The following HELZ variants were observed in gnomAD, a reference collection of about 807,000 sequenced individuals.
The protein encoded by HELZ is ATP-dependent RNA helicase with zinc finger domain.
A neutral mutation model predicts 218.2 loss-of-function variants in HELZ; 23 were observed. The observed-to-expected ratio is 0.11, with a 90% confidence interval of 0.08 to 0.15. The LOEUF (loss-of-function observed/expected upper bound fraction) is 0.15, where lower values mean the gene tolerates loss of function less well. Ranked by LOEUF, HELZ falls within the 10% of genes least tolerant of loss-of-function variation. HELZ has a pLI of 1.00. For missense variants in HELZ, 1,813 were observed against 2,353.7 expected, an observed-to-expected ratio of 0.77 and a Z score of 4.75; for synonymous variants, 814 against 829.4, an observed-to-expected ratio of 0.98 and a Z score of 0.32.
chr17:67,162,085 T>A (rs769127233), intron 15 of HELZ, among the ~76,000 whole-genome samples: 1 of 152,172 alleles, frequency 6.6e-6, no homozygotes, highest in Non-Finnish European at 1.5e-5. Context: ...CAGAAGGTGG[T>A]TATTTTTGAA....
At chr17:67,180,552 T>C (rs1044097394) in intron 12 of HELZ, among the ~76,000 whole-genome samples, 4 of 152,080 alleles carry the variant, frequency 2.6e-5, no homozygotes, top group Non-Finnish European at 5.9e-5. Context: ...CAGAACAGCA[T>C]AGCCAACATG....
chr17:67,206,287 C>T (rs1386656085), intron 5 of HELZ, among the ~76,000 whole-genome samples: 1 of 152,218 alleles, frequency 6.6e-6, no homozygotes, highest in African/African-American at 2.4e-5. Flanking sequence ...CAAAGGAGGA[C>T]TTCTGTCAGC....
intron 18 of HELZ, among the ~76,000 whole-genome samples, chr17:67,150,604 C>T (rs1335272938): frequency 2.0e-5 from 3 of 152,144 alleles, no homozygotes; most frequent in African/African-American, 4.8e-5. Flanking sequence ...ATCATCTCTA[C>T]AGTATATAAT....
chr17:67,124,093 GTAAAT>G (rs2037707386), intron 24 of HELZ, 79 bp from the exon 25 acceptor site: 1 of 884,188 alleles, frequency 1.1e-6, no homozygotes, highest in Admixed American at 2.0e-5. Flanking sequence ...CTAATCATAT[GTAAAT>G]TAATGTACAC....
At chr17:67,148,453 G>A in intron 20 of HELZ, 116 bp downstream of exon 20, 1 of 772,358 alleles carries the variant, frequency 1.3e-6, no homozygotes, top group Non-Finnish European at 2.0e-6. Context: ...TGCAAGACTA[G>A]GGACACTATG....
intron 5 of HELZ, among the ~76,000 whole-genome samples, chr17:67,214,103 T>C (rs1598434769): frequency 4.6e-5 from 7 of 152,256 alleles, no homozygotes; most frequent in Admixed American, 3.9e-4. Flanking sequence ...GTTTGCTCAT[T>C]GTAATTTTAA....
chr17:67,197,715 C>T (rs1007276858), intron 7 of HELZ, among the ~76,000 whole-genome samples: 3 of 152,150 alleles, frequency 2.0e-5, no homozygotes, highest in African/African-American at 4.8e-5. Flanking sequence ...AGAATGCTAA[C>T]GGGTCATAAC....
At chr17:67,113,797 G>A (rs1209146647) in intron 28 of HELZ, among the ~76,000 whole-genome samples, 2 of 152,326 alleles carry the variant, frequency 1.3e-5, no homozygotes, top group East Asian at 1.9e-4. Flanking sequence ...AAATGCAGGG[G>A]AGCCCTGATG....
In HELZ at chr17:67,124,007, C is replaced by A; in HGVS notation, c.3395G>T (p.Ser1132Ile). Residue 1132 changes from serine (S) to isoleucine (I), a missense_variant, in exon 25 of 33, where the codon AGT becomes ATT. Ser to Ile is a moderately radical substitution (Grantham distance 142, BLOSUM62 -2). Around this residue, in one of 4 missense-constraint regions of HELZ, gnomAD observed 938 missense variants for 1,027.5 expected, o/e 0.91. Coordinates refer to ENST00000358691, the MANE Select transcript of HELZ (RefSeq NM_014877.4). ...GTGATCATTCTGGGTATGATGAAGA[C>A]TTTTCCCCTTTAAAGAAAAACACAA... ...KQQQSPPKGKSLHHTQNDHFQ... is the reference protein window; with the variant it reads ...KQQQSPPKGKILHHTQNDHFQ... 6.3e-7 allele frequency: 1 copy of A among 1,598,028 alleles called. No homozygotes were observed. Among genetic ancestry groups the A allele is most frequent in the Non-Finnish European group, 8.6e-7 (1 of 1,166,600 alleles).
intron 21 of HELZ, among the ~76,000 whole-genome samples, chr17:67,142,753 ATTTAT>A (rs2038368372): frequency 1.0e-5 from 1 of 99,626 alleles, no homozygotes; most frequent in South Asian, 3.9e-4. Context: ...ATATTTATTT[ATTTAT>A]TTTATTTTAT....
chr17:67,102,744 TTA>T (rs1225939330), intron 31 of HELZ, among the ~76,000 whole-genome samples: 3 of 152,238 alleles, frequency 2.0e-5, no homozygotes, highest in African/African-American at 7.2e-5. Context: ...TAAAAAAATA[TTA>T]TCTTTGTCAA....
chr17:67,180,774 A>G (rs1427876744), intron 12 of HELZ, among the ~76,000 whole-genome samples: 2 of 148,572 alleles, frequency 1.3e-5, no homozygotes, highest in East Asian at 4.0e-4. Context: ...GCTACTCGGG[A>G]GGCTGAGGCC....
intron 23 of HELZ, among the ~76,000 whole-genome samples, chr17:67,129,664 C>A (rs77522340): frequency 0.01 from 1,541 of 152,094 alleles, 32 homozygotes; most frequent in African/African-American, 0.035. Flanking sequence ...AGTTGGAATG[C>A]TAATTTTAAT....
chr17:67,199,183 G>A (rs907220777), intron 7 of HELZ, among the ~76,000 whole-genome samples: 5 of 148,666 alleles, frequency 3.4e-5, no homozygotes, highest in African/African-American at 7.4e-5. Flanking sequence ...TTAGGTTGGT[G>A]CAAAAGTAAT....
intron 9 of HELZ, among the ~76,000 whole-genome samples, chr17:67,191,975 A>G (rs1331196385): frequency 6.6e-6 from 1 of 151,780 alleles, no homozygotes; most frequent in Non-Finnish European, 1.5e-5. Context: ...AGGCCAAGGC[A>G]GGCGCATCAC....
intron 17 of HELZ, among the ~76,000 whole-genome samples, chr17:67,154,961 T>A (rs1350609910): frequency 2.6e-5 from 4 of 152,162 alleles, no homozygotes; most frequent in African/African-American, 9.7e-5. Flanking sequence ...GGTAAGCAAA[T>A]ACTAAAGAAA....
At chr17:67,160,809 T>C in intron 16 of HELZ, 88 bp downstream of exon 16, 1 of 945,452 alleles carries the variant, frequency 1.1e-6, no homozygotes, top group Non-Finnish European at 1.5e-6. Context: ...GCATGAAAAC[T>C]GTCTTGCTAG....
chr17:67,079,896 G>A (rs1386094785), intron 32 of HELZ, among the ~76,000 whole-genome samples: 1 of 151,918 alleles, frequency 6.6e-6, no homozygotes. Context: ...CTATTATTTT[G>A]TAGGCACTTT....
At chr17:67,221,187 G>A (rs929275916) in intron 3 of HELZ, among the ~76,000 whole-genome samples, 4 of 152,130 alleles carry the variant, frequency 2.6e-5, no homozygotes, top group African/African-American at 9.7e-5. Context: ...ATTTTTTGCT[G>A]TGGGCCATTC....
Sources: allele counts gnomAD v4.1 joint callset (sites outside exome capture counted in the v4.1 genomes callset), GRCh38; gene constraint gnomAD v4.1.1; regional missense constraint gnomAD v4.1.1; transcripts MANE v1.5; gene names NCBI Gene and HGNC (gene_info 2026-07-23, HGNC 2026-07-21).